The following BPTF variants were observed in gnomAD, a reference collection of about 807,000 sequenced individuals.
BPTF encodes the protein nucleosome-remodeling factor subunit BPTF.
A neutral mutation model predicts 292.5 loss-of-function variants in BPTF; 18 were observed. The ratio of observed to expected loss-of-function variants is 0.06; its 90% confidence interval spans 0.04 to 0.09. BPTF has a LOEUF of 0.09. Ranked by LOEUF, BPTF falls within the 10% of genes least tolerant of loss-of-function variation. The pLI is 1.00. For synonymous variants in BPTF, 1,225 were observed against 1,251.9 expected, an observed-to-expected ratio of 0.98 and a Z score of 0.45; for missense variants, 2,726 against 3,498.7, an observed-to-expected ratio of 0.78 and a Z score of 5.57.
chr17:67,913,915 C>T lies in BPTF; in HGVS notation c.5303+728C>T, dbSNP rs903806393. ...GCTACAGAGACACAGGAATAGTGCCCGGTTTTCCTAAATCCCAGTCTAGTA... is the reference window on the plus strand; with the variant it reads ...GCTACAGAGACACAGGAATAGTGCCTGGTTTTCCTAAATCCCAGTCTAGTA... On this transcript the variant is annotated intron_variant, in intron 11 of 27. Transcript: ENST00000306378. Among the ~76,000 whole-genome samples the T allele has an allele frequency of 5.3e-5, 8 of 152,138 alleles. No homozygotes were observed. In the East Asian group the frequency reaches 5.8e-4, roughly 11 times the overall value.
At chr17:67,951,055 CGCCTT>C (rs2066308768) in intron 23 of BPTF, 1 of 152,014 alleles carries the variant, frequency 6.6e-6, no homozygotes, top group South Asian at 2.1e-4. Flanking sequence ...GTAATCCACC[CGCCTT>C]AGTCTCCCAA....
At chr17:67,910,195 A>G (rs1307784913) in intron 10 of BPTF, among the ~76,000 whole-genome samples, 1 of 152,148 alleles carries the variant, frequency 6.6e-6, no homozygotes. Context: ...AGCATTTATC[A>G]GTACTTTCTT....
At chr17:67,953,418 G>C (rs2066583174) in intron 23 of BPTF, among the ~76,000 whole-genome samples, 1 of 151,000 alleles carries the variant, frequency 6.6e-6, no homozygotes, top group Non-Finnish European at 1.5e-5. Context: ...ACTGCACTCG[G>C]CTAATTTTTT....
At chr17:67,836,999 G>A (rs991437501) in intron 1 of BPTF, among the ~76,000 whole-genome samples, 8 of 152,220 alleles carry the variant, frequency 5.3e-5, no homozygotes, top group Non-Finnish European at 8.8e-5. Context: ...TTCCTTAATT[G>A]CTTTAATAGC....
At chr17:67,873,458 CAAAA>C (rs996819236) in intron 3 of BPTF, among the ~76,000 whole-genome samples, 1 of 71,128 alleles carries the variant, frequency 1.4e-5, no homozygotes, top group Non-Finnish European at 2.9e-5. Context: ...AACTCCATCT[CAAAA>C]AAAAAAAAAA....
At chr17:67,952,562 C>A (rs2066479857) in intron 23 of BPTF, among the ~76,000 whole-genome samples, 1 of 152,142 alleles carries the variant, frequency 6.6e-6, no homozygotes, top group South Asian at 2.1e-4. Flanking sequence ...CACGCCCAGC[C>A]AATAGGCTTA....
At chr17:67,938,493 A>G (rs1050647882) in intron 18 of BPTF, among the ~76,000 whole-genome samples, 26 of 152,204 alleles carry the variant, frequency 1.7e-4, no homozygotes, top group Non-Finnish European at 4.4e-5. Flanking sequence ...TTATAAAGCC[A>G]CCAAAATTAG....
At chr17:67,902,102 A>G (rs2061883285) in intron 7 of BPTF, among the ~76,000 whole-genome samples, 2 of 152,226 alleles carry the variant, frequency 1.3e-5, no homozygotes, top group Non-Finnish European at 2.9e-5. Flanking sequence ...GAGATTAGCC[A>G]TAAGACTGCC....
At chr17:67,971,171 C>T (rs1433539264) in intron 26 of BPTF, among the ~76,000 whole-genome samples, 3 of 152,272 alleles carry the variant, frequency 2.0e-5, no homozygotes, top group African/African-American at 7.2e-5. Flanking sequence ...CTCAGCCTCC[C>T]GGGTTCAAGC....
chr17:67,899,198 C>A (rs2061654445), intron 7 of BPTF, among the ~76,000 whole-genome samples: 1 of 152,086 alleles, frequency 6.6e-6, no homozygotes, highest in African/African-American at 2.4e-5. Context: ...GGCAGCCTAC[C>A]CACAAAGGCC....
At chr17:67,888,950 A>G (rs949762043) in intron 4 of BPTF, among the ~76,000 whole-genome samples, 6 of 152,174 alleles carry the variant, frequency 3.9e-5, no homozygotes, top group Non-Finnish European at 7.4e-5. Context: ...GTAGATTCCT[A>G]GGTTCCCAGC....
rs1446248136 is a variant in BPTF, at chr17:67,853,929, T to C, written c.614-11T>C. On this transcript the variant is annotated splice_polypyrimidine_tract_variant and intron_variant, in intron 1 of 27. Transcript: ENST00000306378. ...TATTGATTTGTAATGATGTCACGTC[T>C]TTATCTACAGGTAGGCGAAAACCAA... The C allele has an allele frequency of 1.3e-6, 2 of 1,596,582 alleles. No homozygotes were observed. Among genetic ancestry groups the C allele is most frequent in the Admixed American group, 3.4e-5 (2 of 58,018 alleles).
Position 67,888,870 on chromosome 17 carries a change from C to A in BPTF, c.1865-2974C>A, listed in dbSNP as rs140353318. ...ACTGGGGTTGGGTTGCTGGGGACTT[C>A]TATAGGATTAAACAATCATATAACC... is the stretch of plus-strand genomic sequence containing the variant. On this transcript the variant is annotated intron_variant, in intron 4 of 27. Transcript: ENST00000306378. Among the ~76,000 whole-genome samples the A allele has an allele frequency of 1.5e-3, 221 of 152,252 alleles. 1 individual carries two copies. Among genetic ancestry groups the A allele is most frequent in the African/African-American group, 5.1e-3 (211 of 41,554 alleles).
intron 16 of BPTF, 35 bp from the exon 17 acceptor site, chr17:67,929,301 G>T: frequency 1.2e-6 from 2 of 1,611,518 alleles, no homozygotes; most frequent in South Asian, 1.1e-5. Context: ...CCAATAAAGT[G>T]ATAGTTTTTA....
intron 18 of BPTF, among the ~76,000 whole-genome samples, chr17:67,933,132 A>G (rs1299508633): frequency 1.3e-5 from 2 of 151,866 alleles, no homozygotes; most frequent in African/African-American, 2.4e-5. Context: ...GGGCGCCTGT[A>G]ATCCCAGCTA....
chr17:67,970,279 G>A lies in BPTF; in HGVS notation c.8539+3623G>A, dbSNP rs557487318. On this transcript the variant is annotated intron_variant, in intron 26 of 27. Coordinates refer to ENST00000306378, the MANE Select transcript of BPTF (RefSeq NM_182641.4). The stretch of plus-strand genomic sequence containing the variant: ...TAGCCAGGCATGGTGCCTCATGCCT[G>A]TGGTCCCAGCCCGAGAGACTGAGGC... Among the ~76,000 whole-genome samples, 251 of 151,984 alleles carry A rather than the reference G, an allele frequency of 1.7e-3. 1 individual carries two copies. Among genetic ancestry groups the A allele is most frequent in the Non-Finnish European group, 2.7e-3 (182 of 67,960 alleles).
At chr17:67,879,043 AATATTTTGTCAGTCTTTAGTATCAG>A (rs775942045) in intron 4 of BPTF, among the ~76,000 whole-genome samples, 45,720 of 150,940 alleles carry the variant, frequency 0.3, 8,236 homozygotes, top group East Asian at 0.66. Flanking sequence ...TAGTATCAGG[AATATTTTGTCAGTCTTTAGTATCAG>A]GAATATTTTG....
chr17:67,843,023 A>G (rs1340092676), intron 1 of BPTF, among the ~76,000 whole-genome samples: 4 of 151,468 alleles, frequency 2.6e-5, no homozygotes, highest in African/African-American at 7.3e-5. Flanking sequence ...TAAAATATGT[A>G]TAGTGGTTTA....
intron 7 of BPTF, among the ~76,000 whole-genome samples, chr17:67,900,375 G>T (rs2061746122): frequency 6.6e-6 from 1 of 152,032 alleles, no homozygotes; most frequent in Non-Finnish European, 1.5e-5. Flanking sequence ...AAAGTGCTGG[G>T]ATTACAGGCG....
Sources: allele counts gnomAD v4.1 joint callset (sites outside exome capture counted in the v4.1 genomes callset), GRCh38; gene constraint gnomAD v4.1.1; transcripts MANE v1.5; gene names NCBI Gene and HGNC (gene_info 2026-07-23, HGNC 2026-07-21).